The following GSG1L variants were observed in gnomAD, a reference collection of about 807,000 sequenced individuals.
GSG1L encodes GSG1 like.
A neutral mutation model predicts 42.1 loss-of-function variants in GSG1L; 24 were observed. The ratio of observed to expected loss-of-function variants is 0.57; its 90% CI spans 0.41 to 0.80. The LOEUF (loss-of-function observed/expected upper bound fraction) is 0.80. Among genes scored for constraint, GSG1L ranks in the 30% least tolerant of loss-of-function variants. The pLI is 0.00. For missense variants in GSG1L, 445 were observed against 472.2 expected, an observed-to-expected ratio of 0.94 and a Z score of 0.53; for synonymous variants, 215 against 203.5, an observed-to-expected ratio of 1.06 and a Z score of -0.48.
At position 28,003,274 on chromosome 16, in the gene GSG1L, G is replaced by A. The variant is rs530934625; in HGVS notation, c.350-40071C>T. The stretch of plus-strand genomic sequence containing the variant: ...AGACAGAACCCACTCACAGGAGCTT[G>A]AGAATGGATGCTTGTTAACACAGAA... On this transcript the variant is annotated intron_variant, in intron 1 of 6. Coordinates refer to ENST00000447459, the MANE Select transcript of GSG1L (RefSeq NM_001109763.2). 8.1e-4 allele frequency among the ~76,000 whole-genome samples: 124 copies of A among 152,368 alleles called. 1 individual carries two copies. In the Middle Eastern group the frequency reaches 0.014, roughly 17 times the overall value.
intron 2 of GSG1L, among the ~76,000 whole-genome samples, chr16:27,915,460 A>G (rs1043494639): frequency 6.6e-6 from 1 of 152,240 alleles, no homozygotes; most frequent in Non-Finnish European, 1.5e-5. Context: ...GCAAAGCCAC[A>G]GGCAAGAGAG....
At chr16:27,982,623 G>T (rs1455634539) in intron 1 of GSG1L, among the ~76,000 whole-genome samples, 1 of 152,186 alleles carries the variant, frequency 6.6e-6, no homozygotes, top group East Asian at 1.9e-4. Flanking sequence ...AATTTATAGA[G>T]TATGAGGTTT....
chr16:27,804,021 AATAG>A (rs913657439), intron 6 of GSG1L, among the ~76,000 whole-genome samples: 2 of 140,988 alleles, frequency 1.4e-5, no homozygotes, highest in African/African-American at 5.5e-5. Flanking sequence ...ATGATGGATG[AATAG>A]ATAGATTAGA....
chr16:27,821,081 T>C (rs557073089), intron 5 of GSG1L, among the ~76,000 whole-genome samples: 1 of 152,258 alleles, frequency 6.6e-6, no homozygotes, highest in African/African-American at 2.4e-5. Context: ...TCTTCTATCC[T>C]ATACCTCCCA....
chr16:27,825,763 T>C (rs1387611402), intron 5 of GSG1L, among the ~76,000 whole-genome samples: 3 of 152,066 alleles, frequency 2.0e-5, no homozygotes, highest in African/African-American at 7.2e-5. Context: ...CCCCTAATAA[T>C]GTCCTCATGA....
intron 5 of GSG1L, among the ~76,000 whole-genome samples, chr16:27,826,938 C>A (rs1376105473): frequency 6.6e-6 from 1 of 152,174 alleles, no homozygotes; most frequent in Non-Finnish European, 1.5e-5. Flanking sequence ...CTGGGGCTGC[C>A]TCTTGAATCT....
intron 3 of GSG1L, among the ~76,000 whole-genome samples, chr16:27,875,555 GAC>G (rs1409492205): frequency 6.6e-6 from 1 of 152,146 alleles, no homozygotes. Context: ...CTGATAATTT[GAC>G]AGTTTGACAA....
At chr16:27,986,524 A>G (rs1239212327) in intron 1 of GSG1L, among the ~76,000 whole-genome samples, 2 of 150,272 alleles carry the variant, frequency 1.3e-5, no homozygotes, top group Admixed American at 6.6e-5. Flanking sequence ...AAAAAAAAAG[A>G]TAGAAAAGTG....
chr16:27,881,093 T>A (rs1054985631), intron 3 of GSG1L, among the ~76,000 whole-genome samples: 17 of 152,096 alleles, frequency 1.1e-4, no homozygotes, highest in Non-Finnish European at 1.5e-5. Flanking sequence ...TTCCACTAGA[T>A]AAAATGAAAT....
chr16:27,924,387 C>T (rs1054337806), intron 2 of GSG1L, among the ~76,000 whole-genome samples: 3 of 152,234 alleles, frequency 2.0e-5, no homozygotes, highest in African/African-American at 4.8e-5. Flanking sequence ...ATGTACTACC[C>T]TAACACAGCT....
chr16:27,881,238 C>CTTTTTT (rs149874320), intron 3 of GSG1L, among the ~76,000 whole-genome samples: 26 of 106,982 alleles, frequency 2.4e-4, no homozygotes, highest in African/African-American at 8.0e-4. Context: ...AAGTATCATA[C>CTTTTTT]TTTTTTTTTT....
In GSG1L at chr16:27,818,369, C is replaced by G. The variant is rs372383887; in HGVS notation, c.830+10420G>C. The stretch of plus-strand genomic sequence containing the variant: ...GGACCATCTTGTGTTTTCACCTCCC[C>G]GTGTATGGGTGCTGGCTGACGATCC... On this transcript the variant is annotated intron_variant, in intron 5 of 6. Coordinates refer to ENST00000447459, the MANE Select transcript of GSG1L (RefSeq NM_001109763.2). 3.3e-5 allele frequency among the ~76,000 whole-genome samples: 5 copies of G among 152,190 alleles called. No homozygotes were observed. In the East Asian group the frequency reaches 9.7e-4, roughly 29 times the overall value.
chr16:27,944,696 A>G (rs536385637), intron 2 of GSG1L, among the ~76,000 whole-genome samples: 4 of 152,128 alleles, frequency 2.6e-5, no homozygotes, highest in African/African-American at 9.6e-5. Context: ...ACATTATGCT[A>G]AAGAGAAAGA....
rs371101894 is a variant in GSG1L, at chr16:28,051,664, C to T, written c.349+11412G>A. ...AAAGAGTTTCAGGCTAAGGGAGCTG[C>T]ACGTGCAAAGGCCCTGGGGCAGGAG... On this transcript the variant is annotated intron_variant, in intron 1 of 6. Transcript: ENST00000447459. Among the ~76,000 whole-genome samples the T allele has an allele frequency of 1.4e-4, 22 of 152,326 alleles. No homozygotes were observed. In the East Asian group the frequency reaches 3.1e-3, roughly 21 times the overall value.
chr16:27,855,107 GT>G (rs1203475523), intron 3 of GSG1L, among the ~76,000 whole-genome samples: 1 of 152,114 alleles, frequency 6.6e-6, no homozygotes, highest in African/African-American at 2.4e-5. Flanking sequence ...GACATCCAGG[GT>G]GCTCGACCGT....
chr16:27,820,288 C>T (rs970161294), intron 5 of GSG1L, among the ~76,000 whole-genome samples: 2 of 152,152 alleles, frequency 1.3e-5, no homozygotes, highest in Non-Finnish European at 1.5e-5. Context: ...AGGAGCTGCA[C>T]ATCATAGAAG....
chr16:27,824,086 A>C (rs146099131), intron 5 of GSG1L, among the ~76,000 whole-genome samples: 2 of 152,176 alleles, frequency 1.3e-5, no homozygotes, highest in African/African-American at 4.8e-5. Flanking sequence ...GCTGGTCATG[A>C]CCAAGCTCAT....
chr16:27,801,981 C>A (rs957569501), intron 6 of GSG1L, among the ~76,000 whole-genome samples: 4 of 152,112 alleles, frequency 2.6e-5, no homozygotes, highest in African/African-American at 9.7e-5. Flanking sequence ...TTTCCGTAAT[C>A]AAATGCAGGT....
chr16:27,923,746 AAGG>A (rs10580361), intron 2 of GSG1L, among the ~76,000 whole-genome samples: 44,189 of 137,152 alleles, frequency 0.32, 7,182 homozygotes, highest in East Asian at 0.37. Context: ...AAAAAAAAAA[AAGG>A]AAGAAAGAAA....
Sources: allele counts gnomAD v4.1 joint callset (sites outside exome capture counted in the v4.1 genomes callset), GRCh38; gene constraint gnomAD v4.1.1; transcripts MANE v1.5; gene names NCBI Gene and HGNC (gene_info 2026-07-23, HGNC 2026-07-21).